CCSER1: variants seen among roughly 807,000 people sequenced by gnomAD.
CCSER1 encodes serine-rich coiled-coil domain-containing protein 1.
A neutral mutation model predicts 82.0 loss-of-function variants in CCSER1; 41 were observed. The observed-to-expected ratio is 0.50, with a 90% CI of 0.39 to 0.65. The LOEUF is 0.65. Ranked by LOEUF, CCSER1 falls within the 30% of genes least tolerant of loss-of-function variation. CCSER1 has a pLI of 0.00. For missense variants in CCSER1, 1,119 were observed against 1,064.2 expected (o/e 1.05, Z -0.72); for synonymous variants, 414 against 383.9 (o/e 1.08, Z -0.92).
chr4:90,608,253 C>T (rs980004067), intron 5 of CCSER1, among the ~76,000 whole-genome samples: 8 of 152,078 alleles, frequency 5.3e-5, no homozygotes, highest in Non-Finnish European at 8.8e-5. Flanking sequence ...GGCCAGGCCA[C>T]GGTGTTATCT....
chr4:90,384,769 G>A (rs1000270156), intron 3 of CCSER1, among the ~76,000 whole-genome samples: 1 of 152,104 alleles, frequency 6.6e-6, no homozygotes, highest in Non-Finnish European at 1.5e-5. Flanking sequence ...TGGGGGTGCA[G>A]GTGGTTTTTG....
At chr4:90,537,845 G>T (rs914913785) in intron 5 of CCSER1, among the ~76,000 whole-genome samples, 2 of 152,038 alleles carry the variant, frequency 1.3e-5, no homozygotes, top group Admixed American at 1.3e-4. Flanking sequence ...TTTATGATTT[G>T]CATTTTATCT....
At chr4:90,876,369 G>A (rs1767208547) in intron 8 of CCSER1, among the ~76,000 whole-genome samples, 1 of 152,000 alleles carries the variant, frequency 6.6e-6, no homozygotes, top group African/African-American at 2.4e-5. Flanking sequence ...AAAATAATCT[G>A]TTAGTTAAGA....
At chr4:90,824,670 T>C (rs1760182561) in intron 8 of CCSER1, among the ~76,000 whole-genome samples, 1 of 152,168 alleles carries the variant, frequency 6.6e-6, no homozygotes, top group South Asian at 2.1e-4. Context: ...ATTCCCCACT[T>C]GCTCTACATT....
chr4:90,127,428 T>A lies in CCSER1; in HGVS notation c.-445T>A, dbSNP rs572790391. On this transcript the variant is annotated 5_prime_UTR_variant, in exon 1 of 11. Coordinates refer to ENST00000509176, the MANE Select transcript of CCSER1 (RefSeq NM_001145065.2). ...GAGCGCGGCCTGCCGGGGAGGTGGA[T>A]CTCGCGCTCCCCACACAGTCACACT... 6.6e-6 allele frequency: 1 copy of A among 152,288 alleles called. No homozygotes were observed. Among genetic ancestry groups the A allele is most frequent in the African/African-American group, 2.4e-5 (1 of 41,382 alleles). The allele number at this position is 152,288 out of a possible 1,614,324, so 9.4% of individuals were successfully genotyped here.
At chr4:91,377,148 AT>A (rs1340244821) in intron 10 of CCSER1, among the ~76,000 whole-genome samples, 1 of 152,108 alleles carries the variant, frequency 6.6e-6, no homozygotes, top group Non-Finnish European at 1.5e-5. Context: ...CCAGTCTATC[AT>A]TGTTGGACAT....
rs573324910 is a variant in CCSER1, at chr4:90,408,070, A to G, written c.1603+7941A>G. 1.2e-4 allele frequency among the ~76,000 whole-genome samples: 19 copies of G among 152,332 alleles called. No individual in the cohort carries two copies. In the East Asian group the frequency reaches 3.7e-3, roughly 29 times the overall value. ...GCAGTCTAAGATCAAACTGCAAGGC[A>G]GCAGCAAGGCTGGGGGAGGGGCACC... On this transcript the variant is annotated intron_variant, in intron 4 of 10. Transcript: ENST00000509176.
At chr4:90,620,516 G>A (rs1328158968) in intron 5 of CCSER1, among the ~76,000 whole-genome samples, 2 of 152,144 alleles carry the variant, frequency 1.3e-5, no homozygotes, top group East Asian at 1.9e-4. Context: ...CACAAGTACT[G>A]TCCCTGTTAC....
chr4:90,516,992 T>C (rs1301407726), intron 5 of CCSER1, among the ~76,000 whole-genome samples: 2 of 152,154 alleles, frequency 1.3e-5, no homozygotes, highest in African/African-American at 4.8e-5. Flanking sequence ...CTTCTCAACT[T>C]ACGATGGGGT....
chr4:90,176,323 G>GT (rs1732651542), intron 1 of CCSER1, among the ~76,000 whole-genome samples: 1 of 151,986 alleles, frequency 6.6e-6, no homozygotes, highest in African/African-American at 2.4e-5. Context: ...AGGCTAATTT[G>GT]TAGAAGAGCT....
At chr4:90,174,810 G>A (rs1324204208) in intron 1 of CCSER1, among the ~76,000 whole-genome samples, 2 of 151,958 alleles carry the variant, frequency 1.3e-5, no homozygotes, top group Admixed American at 6.6e-5. Flanking sequence ...ATTCCCACAA[G>A]TGGCAAACCT....
At chr4:91,081,671 C>T (rs1722768252) in intron 9 of CCSER1, among the ~76,000 whole-genome samples, 1 of 152,214 alleles carries the variant, frequency 6.6e-6, no homozygotes, top group South Asian at 2.1e-4. Flanking sequence ...ACCCCATCAT[C>T]TGAGCCCAAA....
intron 5 of CCSER1, among the ~76,000 whole-genome samples, chr4:90,609,371 T>C (rs1000727503): frequency 6.6e-6 from 1 of 152,172 alleles, no homozygotes; most frequent in Non-Finnish European, 1.5e-5. Flanking sequence ...ATATGTCAGT[T>C]GTATTCATAT....
At chr4:91,372,626 A>G (rs1433370701) in intron 10 of CCSER1, among the ~76,000 whole-genome samples, 6 of 152,134 alleles carry the variant, frequency 3.9e-5, no homozygotes, top group Non-Finnish European at 5.9e-5. Context: ...TAAAGTAATC[A>G]CATAAAAACT....
Position 91,439,518 on chromosome 4 carries a change from T to C in CCSER1, c.2218-159054T>C, listed in dbSNP as rs541755984. 9.2e-5 allele frequency among the ~76,000 whole-genome samples: 14 copies of C among 152,106 alleles called. 1 individual carries two copies. The South Asian group carries it at 2.9e-3, about 32-fold the overall frequency. ...GAAAGGAACAACCAGTACCAGCCAC[T>C]GCAAAATCACGCCAAATTGTAAAGA... On this transcript the variant is annotated intron_variant, in intron 10 of 10. Transcript: ENST00000509176.
At chr4:91,396,745 A>G (rs1403076037) in intron 10 of CCSER1, among the ~76,000 whole-genome samples, 2 of 152,108 alleles carry the variant, frequency 1.3e-5, no homozygotes, top group Non-Finnish European at 2.9e-5. Flanking sequence ...GGAAATAAAA[A>G]TATTACAGAG....
intron 9 of CCSER1, among the ~76,000 whole-genome samples, chr4:91,072,870 C>T (rs1721579040): frequency 6.6e-6 from 1 of 151,924 alleles, no homozygotes; most frequent in Non-Finnish European, 1.5e-5. Context: ...CTGCATAATG[C>T]CTGGCACCTA....
intron 5 of CCSER1, among the ~76,000 whole-genome samples, chr4:90,548,944 G>A (rs1283462418): frequency 6.6e-6 from 1 of 152,030 alleles, no homozygotes; most frequent in East Asian, 1.9e-4. Flanking sequence ...TCAAGATTGA[G>A]TTGGTTTGTT....
intron 1 of CCSER1, among the ~76,000 whole-genome samples, chr4:90,272,964 A>G (rs921405251): frequency 4.6e-5 from 7 of 151,996 alleles, no homozygotes; most frequent in Admixed American, 1.3e-4. Flanking sequence ...GATTGTGCCA[A>G]TGCACTCCAG....
Sources: gnomAD v4.1 joint callset for allele counts (sites outside exome capture counted in the v4.1 genomes callset) on GRCh38, gnomAD v4.1.1 for gene constraint, MANE v1.5 for transcripts, NCBI Gene and HGNC (gene_info 2026-07-23, HGNC 2026-07-21) for gene names.